Variants in USP33 observed in about 807,000 individuals in gnomAD.
USP33 encodes ubiquitin carboxyl-terminal hydrolase 33.
In USP33, 46 loss-of-function variants were observed where a neutral mutation model predicts 124.2. The ratio of observed to expected loss-of-function variants is 0.37; its 90% CI spans 0.29 to 0.47. The LOEUF (loss-of-function observed/expected upper bound fraction) is 0.47, where lower values mean the gene tolerates loss of function less well. Ranked by LOEUF, USP33 falls within the 20% of genes least tolerant of loss-of-function variation. The probability of loss-of-function intolerance (pLI) is 0.99; values close to 1 mark genes in which losing one functional copy is unlikely to be tolerated. For synonymous variants in USP33, 350 were observed against 352.3 expected, an observed-to-expected ratio of 0.99 and a Z score of 0.07; for missense variants, 851 against 1,070.6, an observed-to-expected ratio of 0.79 and a Z score of 2.86.
intron 1 of USP33, among the ~76,000 whole-genome samples, chr1:77,751,184 A>C (rs893023836): frequency 6.6e-6 from 1 of 152,182 alleles, no homozygotes; most frequent in Admixed American, 6.5e-5. Context: ...GTAATCTTGT[A>C]TCTGGCAGCT....
rs1673448337 is a variant in USP33 at position 77,696,450 on chromosome 1, A to G, written c.*867T>C. 1 of 152,672 alleles carries G rather than the reference A, an allele frequency of 6.5e-6. No homozygotes were observed. Among genetic ancestry groups the G allele is most frequent in the Non-Finnish European group, 1.5e-5 (1 of 68,042 alleles). 9.5% of individuals were successfully genotyped at this position (152,672 alleles called of 1,614,324 possible). The stretch of plus-strand genomic sequence containing the variant: ...CTAAATATATCCTTGATACATTCAA[A>G]AAGACATTTTGTAAATTTTAATAAG... On this transcript the variant is annotated 3_prime_UTR_variant, in exon 24 of 24. Coordinates refer to ENST00000370794, the MANE Select transcript of USP33 (RefSeq NM_201624.3).
Position 77,721,183 on chromosome 1 carries a change from T to G in USP33, c.1680A>C (p.Glu560Asp). The change falls in exon 15 of 24, where the codon GAA becomes GAC. Residue 560 changes from glutamate to aspartate, a missense_variant. Transcript: ENST00000370794. ...TCAATGTCACTTACTTTTTGCATTTTTCACAACTGTACATATTGTCACCTG... is the reference window on the plus strand; with the variant it reads ...TCAATGTCACTTACTTTTTGCATTTGTCACAACTGTACATATTGTCACCTG... The part of the protein sequence containing the change: ...ELKGDNMYSC[E>D]KCKKLRNGVK... 2 of 1,613,836 alleles carry G rather than the reference T, an allele frequency of 1.2e-6. No individual in the cohort carries two copies. Among genetic ancestry groups the G allele is most frequent in the Non-Finnish European group, 8.5e-7 (1 of 1,179,908 alleles).
chr1:77,742,102 C>T (rs1362289715), intron 1 of USP33, among the ~76,000 whole-genome samples: 1 of 151,376 alleles, frequency 6.6e-6, no homozygotes, highest in East Asian at 1.9e-4. Context: ...AACTGTGAAG[C>T]ACTTTTATCC....
intron 22 of USP33, among the ~76,000 whole-genome samples, chr1:77,699,863 T>C (rs1673809281): frequency 6.6e-6 from 1 of 152,088 alleles, no homozygotes; most frequent in Admixed American, 6.6e-5. Flanking sequence ...TACGCAGCCA[T>C]AAAAAGGAAA....
rs182593858 is a variant in USP33 at position 77,736,833 on chromosome 1, C to T, written c.352-675G>A. The stretch of plus-strand genomic sequence containing the variant: ...CCATGTTGGCCTGAATGGTCTTGAT[C>T]TCTTGACCTCATGATCCGCCCACCT... On this transcript the variant is annotated intron_variant, in intron 5 of 23. Coordinates refer to ENST00000370794, the MANE Select transcript of USP33 (RefSeq NM_201624.3). Among the ~76,000 whole-genome samples, 40 of 152,210 alleles carry T rather than the reference C, an allele frequency of 2.6e-4. No individual in the cohort carries two copies. The East Asian group carries it at 5.6e-3, about 21-fold the overall frequency.
chr1:77,730,223 C>A (rs1677649699), intron 8 of USP33, among the ~76,000 whole-genome samples: 1 of 152,124 alleles, frequency 6.6e-6, no homozygotes, highest in South Asian at 2.1e-4. Context: ...AAATTATTAA[C>A]ATATTACAGC....
intron 1 of USP33, among the ~76,000 whole-genome samples, chr1:77,745,136 G>T (rs1198537958): frequency 1.3e-5 from 2 of 152,218 alleles, no homozygotes; most frequent in Non-Finnish European, 2.9e-5. Context: ...ATTTAGGATA[G>T]TTAGCTCTTC....
At chr1:77,730,509 A>C (rs1167039359) in intron 8 of USP33, 109 bp downstream of exon 8, 20 of 739,346 alleles carry the variant, frequency 2.7e-5, no homozygotes, top group South Asian at 6.2e-5. Flanking sequence ...TCTCTAATCT[A>C]TCTCTCTTCT....
intron 12 of USP33, among the ~76,000 whole-genome samples, chr1:77,722,569 A>G (rs1047505246): frequency 2.6e-5 from 4 of 152,124 alleles, no homozygotes; most frequent in African/African-American, 9.7e-5. Flanking sequence ...TAGTTTTAAA[A>G]TATTTTTTTA....
At chr1:77,704,047 C>G (rs191128774) in intron 21 of USP33, among the ~76,000 whole-genome samples, 1 of 151,038 alleles carries the variant, frequency 6.6e-6, no homozygotes, top group Non-Finnish European at 1.5e-5. Context: ...CGTGGGAGAT[C>G]GAGGCTGCAG....
intron 21 of USP33, among the ~76,000 whole-genome samples, chr1:77,709,032 T>G (rs1369399196): frequency 1.3e-5 from 2 of 152,180 alleles, no homozygotes; most frequent in Admixed American, 6.5e-5. Flanking sequence ...ATCGAGATGG[T>G]GTCAGGATTC....
intron 1 of USP33, chr1:77,746,618 C>T (rs1460156205): frequency 6.6e-6 from 1 of 152,098 alleles, no homozygotes; most frequent in Non-Finnish European, 1.5e-5. Context: ...AACATCGATG[C>T]AAAAATCCTC....
At chr1:77,730,845 G>A in intron 7 of USP33, 114 bp from the exon 8 acceptor site, 1 of 621,340 alleles carries the variant, frequency 1.6e-6, no homozygotes, top group Non-Finnish European at 2.5e-6. Flanking sequence ...TTCTTTCTTT[G>A]ATCCCTCTTA....
At chr1:77,702,188 A>G (rs1428738450) in intron 21 of USP33, among the ~76,000 whole-genome samples, 1 of 146,212 alleles carries the variant, frequency 6.8e-6, no homozygotes, top group African/African-American at 2.5e-5. Context: ...CCAGTGGTAC[A>G]GTAAGATGTA....
chr1:77,739,527 T>C, intron 4 of USP33, 110 bp from the exon 5 acceptor site: 1 of 1,034,350 alleles, frequency 9.7e-7, no homozygotes, highest in Non-Finnish European at 1.3e-6. Context: ...TGAGTAACAA[T>C]ATACTCAAAA....
chr1:77,718,675 CA>C, intron 15 of USP33, 34 bp from the exon 16 acceptor site: 3 of 1,524,814 alleles, frequency 2.0e-6, no homozygotes, highest in Non-Finnish European at 2.7e-6. Context: ...AATTAGTCTA[CA>C]AAAAAACTTA....
At chr1:77,703,268 A>G (rs1242065037) in intron 21 of USP33, among the ~76,000 whole-genome samples, 1 of 151,842 alleles carries the variant, frequency 6.6e-6, no homozygotes, top group African/African-American at 2.4e-5. Context: ...TATCTCCCTT[A>G]CCTCCTTTAA....
chr1:77,721,070 C>G (rs947215828), intron 15 of USP33, 102 bp downstream of exon 15: 29 of 1,313,244 alleles, frequency 2.2e-5, no homozygotes, highest in Admixed American at 5.7e-5. Context: ...TTCTGGCCTA[C>G]ATTTTTCTAA....
At chr1:77,749,861 GATT>G (rs1680130485) in intron 1 of USP33, among the ~76,000 whole-genome samples, 1 of 152,060 alleles carries the variant, frequency 6.6e-6, no homozygotes, top group South Asian at 2.1e-4. Context: ...GGGATCAGAG[GATT>G]GAAAAGAAAC....
Sources: gnomAD v4.1 joint callset for allele counts (sites outside exome capture counted in the v4.1 genomes callset) on GRCh38, gnomAD v4.1.1 for gene constraint, MANE v1.5 for transcripts, NCBI Gene and HGNC (gene_info 2026-07-23, HGNC 2026-07-21) for gene names.